ZNF536: variants seen among roughly 807,000 people sequenced by gnomAD.
ZNF536 encodes the protein zinc finger protein 536.
In ZNF536, 13 loss-of-function variants were observed where a neutral mutation model predicts 84.5. The observed-to-expected ratio is 0.15, with a 90% CI of 0.10 to 0.24. The LOEUF (loss-of-function observed/expected upper bound fraction) is 0.24. ZNF536 is among the 10% of genes least tolerant of loss of function. ZNF536 has a pLI of 1.00. For synonymous variants in ZNF536, 811 were observed against 742.5 expected (o/e 1.09, Z -1.50); for missense variants, 1,536 against 1,747.5 (o/e 0.88, Z 2.16).
chr19:30,439,738 C>T (rs1016861419), intron 1 of ZNF536, among the ~76,000 whole-genome samples: 1 of 150,778 alleles, frequency 6.6e-6, no homozygotes, highest in Non-Finnish European at 1.5e-5. Flanking sequence ...TCCTAGGGAG[C>T]TGGTCAGCTC....
At chr19:30,303,362 G>A (rs1282311326) in intron 2 of ZNF536, among the ~76,000 whole-genome samples, 1 of 152,246 alleles carries the variant, frequency 6.6e-6, no homozygotes, top group Non-Finnish European at 1.5e-5. Flanking sequence ...GGGCAAGAGA[G>A]GCAGTGCGGG....
intron 1 of ZNF536, among the ~76,000 whole-genome samples, chr19:30,616,974 A>C (rs2048318856): frequency 1.3e-5 from 2 of 152,122 alleles, no homozygotes; most frequent in Admixed American, 1.3e-4. Flanking sequence ...TATATTATTT[A>C]GTGTTTATAG....
rs774872164 is a variant in ZNF536, at chr19:30,549,009, C to T, written c.3390C>T (p.Cys1130=). The T allele has an allele frequency of 1.9e-6, 3 of 1,614,018 alleles. No homozygotes were observed. In the African/African-American group the frequency reaches 4.0e-5, roughly 22 times the overall value. The change falls in exon 4 of 5, where the codon TGC becomes TGT. Residue 1130 remains cysteine (C), a synonymous_variant. Transcript: ENST00000355537. ...GMVGSGASSS[C]PNKEPDGKAH... is the part of the protein sequence containing the mutation. ...TTGGCTCAGGGGCCTCCAGTTCCTG[C>T]CCCAACAAGGAGCCTGATGGAAAGG...
intron 2 of ZNF536, among the ~76,000 whole-genome samples, chr19:30,333,737 C>T (rs1466806907): frequency 6.6e-5 from 10 of 152,186 alleles, no homozygotes; most frequent in East Asian, 1.9e-4. Context: ...GTGCACCAGC[C>T]GGACCCCACG....
intron 2 of ZNF536, among the ~76,000 whole-genome samples, chr19:30,465,427 G>T (rs1169156214): frequency 6.6e-6 from 1 of 152,200 alleles, no homozygotes; most frequent in Non-Finnish European, 1.5e-5. Flanking sequence ...ACTCTTCCTG[G>T]TTTTCTTCTT....
intron 1 of ZNF536, among the ~76,000 whole-genome samples, chr19:30,685,453 A>T (rs1055175239): frequency 2.0e-5 from 3 of 152,082 alleles, no homozygotes; most frequent in African/African-American, 7.2e-5. Context: ...CTTTGCAGGG[A>T]AACCAAACTC....
chr19:30,277,732 G>A (rs370698923), intron 1 of ZNF536, among the ~76,000 whole-genome samples: 70 of 152,372 alleles, frequency 4.6e-4, no homozygotes, highest in South Asian at 1.0e-3. Flanking sequence ...CAGCGTGTCC[G>A]TTGTGGGACC....
chr19:30,383,580 C>T (rs974342199), intron 1 of ZNF536, among the ~76,000 whole-genome samples: 1 of 151,782 alleles, frequency 6.6e-6, no homozygotes, highest in Non-Finnish European at 1.5e-5. Context: ...CCTTTATCCT[C>T]TCTTCTTCTG....
chr19:30,659,722 C>A (rs1290162851), intron 1 of ZNF536, among the ~76,000 whole-genome samples: 2 of 151,646 alleles, frequency 1.3e-5, no homozygotes, highest in African/African-American at 2.4e-5. Context: ...GGAAACAGCC[C>A]CCATGATACA....
In ZNF536 at chr19:30,514,009, G is replaced by C. The variant is rs188739011; in HGVS notation, c.2171-20838G>C. Among the ~76,000 whole-genome samples the C allele has an allele frequency of 2.6e-5, 4 of 152,322 alleles. No homozygotes were observed. The East Asian group carries it at 7.7e-4, about 30-fold the overall frequency. Reference sequence around the variant, plus strand: ...ACGAGAGCCCATTGGCTTTCTGTGTGGGGGAGCAATGCACCAGCTCAGTGA... The same window carrying C: ...ACGAGAGCCCATTGGCTTTCTGTGTCGGGGAGCAATGCACCAGCTCAGTGA... On this transcript the variant is annotated intron_variant, in intron 2 of 4. Coordinates refer to ENST00000355537, the MANE Select transcript of ZNF536 (RefSeq NM_014717.3).
At chr19:30,461,788 C>G (rs1239593038) in intron 2 of ZNF536, among the ~76,000 whole-genome samples, 4 of 152,348 alleles carry the variant, frequency 2.6e-5, no homozygotes, top group Admixed American at 1.3e-4. Context: ...TTTACATGCT[C>G]TAGCCCGCAG....
intron 2 of ZNF536, among the ~76,000 whole-genome samples, chr19:30,499,901 C>A (rs187933462): frequency 6.6e-6 from 1 of 152,044 alleles, no homozygotes; most frequent in Non-Finnish European, 1.5e-5. Flanking sequence ...CAGATGAGGA[C>A]GAAATGAAGT....
At chr19:30,588,566 A>AT (rs944400710) in intron 1 of ZNF536, among the ~76,000 whole-genome samples, 15 of 151,856 alleles carry the variant, frequency 9.9e-5, no homozygotes, top group African/African-American at 9.7e-5. Context: ...TCCTGTTTCC[A>AT]TTTTTTTTCT....
chr19:30,393,338 G>A (rs2049678902), intron 1 of ZNF536, among the ~76,000 whole-genome samples: 1 of 152,136 alleles, frequency 6.6e-6, no homozygotes, highest in African/African-American at 2.4e-5. Flanking sequence ...CAAGAAGAGG[G>A]TCTGATTCAT....
chr19:30,643,483 T>G (rs1194913962), intron 1 of ZNF536, among the ~76,000 whole-genome samples: 1 of 152,248 alleles, frequency 6.6e-6, no homozygotes, highest in Middle Eastern at 3.2e-3. Context: ...CAGTGTTTAA[T>G]GTACATTGAT....
chr19:30,239,880 C>T (rs752036402), intron 1 of ZNF536, among the ~76,000 whole-genome samples: 1 of 152,118 alleles, frequency 6.6e-6, no homozygotes, highest in Non-Finnish European at 1.5e-5. Context: ...GAGCGCACAC[C>T]ACGATGCCAT....
At chr19:30,472,187 G>C (rs11665914) in intron 2 of ZNF536, among the ~76,000 whole-genome samples, 103 of 152,344 alleles carry the variant, frequency 6.8e-4, no homozygotes, top group Middle Eastern at 3.4e-3. Flanking sequence ...CAGCTGTTTA[G>C]AGAAGGAGAG....
At chr19:30,303,644 A>G (rs887294529) in intron 2 of ZNF536, among the ~76,000 whole-genome samples, 2 of 152,010 alleles carry the variant, frequency 1.3e-5, no homozygotes, top group South Asian at 2.1e-4. Context: ...CTGGGATTAC[A>G]GGTGCCGGCC....
At chr19:30,244,774 C>T (rs1042744569) in intron 1 of ZNF536, among the ~76,000 whole-genome samples, 3 of 152,148 alleles carry the variant, frequency 2.0e-5, no homozygotes, top group Non-Finnish European at 4.4e-5. Context: ...ATCGGGGTGG[C>T]GATGTGACCC....
Sources: allele counts gnomAD v4.1 joint callset (sites outside exome capture counted in the v4.1 genomes callset), GRCh38; gene constraint gnomAD v4.1.1; transcripts MANE v1.5; gene names NCBI Gene and HGNC (gene_info 2026-07-23, HGNC 2026-07-21).